Variants in TPD52L1 observed in about 807,000 individuals in gnomAD.
The protein encoded by TPD52L1 is tumor protein D53.
TPD52L1 carries 18 observed loss-of-function variants against 28.7 expected under a neutral mutation model. The observed-to-expected ratio is 0.63, with a 90% CI of 0.43 to 0.93. The LOEUF is 0.93. Ranked by LOEUF, TPD52L1 falls within the 40% of genes least tolerant of loss-of-function variation. The probability of loss-of-function intolerance (pLI) is 0.00; values close to 1 mark genes in which losing one functional copy is unlikely to be tolerated. For missense variants in TPD52L1, 203 were observed against 254.8 expected, an observed-to-expected ratio of 0.80 and a Z score of 1.39; for synonymous variants, 75 against 88.8, an observed-to-expected ratio of 0.84 and a Z score of 0.88.
rs542747428 is a variant in TPD52L1, at chr6:125,219,920, C to T, written c.20-158C>T. ...TGGTATTCTTTGCTTTCTTGGAGCT[C>T]GTCACACATTTAGGAGGATTTTTGT... On this transcript the variant is annotated intron_variant, in intron 1 of 6. Transcript: ENST00000534000. 7.6e-4 allele frequency: 524 copies of T among 685,278 alleles called. 4 individuals are homozygous for T. The highest frequency in any genetic ancestry group is 4.0e-3 in the South Asian group (261 of 65,082). 42.4% of individuals were successfully genotyped at this position (685,278 alleles called of 1,614,324 possible).
chr6:125,184,704 A>G (rs553446886), intron 1 of TPD52L1, among the ~76,000 whole-genome samples: 1 of 152,378 alleles, frequency 6.6e-6, no homozygotes, highest in Admixed American at 6.5e-5. Context: ...GTAACAACTT[A>G]TAGAATTGAA....
At chr6:125,258,201 A>T (rs1797716060) in intron 6 of TPD52L1, among the ~76,000 whole-genome samples, 1 of 152,016 alleles carries the variant, frequency 6.6e-6, no homozygotes, top group Non-Finnish European at 1.5e-5. Context: ...ACTTTATTAG[A>T]CCCATAATTA....
intron 1 of TPD52L1, among the ~76,000 whole-genome samples, chr6:125,196,935 A>G (rs576061928): frequency 6.6e-6 from 1 of 152,378 alleles, no homozygotes; most frequent in East Asian, 1.9e-4. Context: ...AGGAAGAAAA[A>G]GAAAATAAAA....
chr6:125,178,099 T>C (rs1791930464), intron 1 of TPD52L1, among the ~76,000 whole-genome samples: 2 of 152,208 alleles, frequency 1.3e-5, no homozygotes, highest in South Asian at 4.1e-4. Context: ...CAATAGACCA[T>C]ATTCTTTCGA....
rs186392542 is a variant in TPD52L1, at chr6:125,159,694, G to T, written c.19+5724G>T. 1.9e-3 allele frequency among the ~76,000 whole-genome samples: 289 copies of T among 152,240 alleles called. 1 individual carries two copies. Among genetic ancestry groups the T allele is most frequent in the African/African-American group, 6.6e-3 (275 of 41,532 alleles). On this transcript the variant is annotated intron_variant, in intron 1 of 6. Transcript: ENST00000534000. The stretch of plus-strand genomic sequence containing the variant: ...ATCTATGGCAGCTGTTTTCTTATGA[G>T]ATGTATTTCTTAAATAATACGACTT...
chr6:125,201,460 A>G (rs1368356996), intron 1 of TPD52L1, among the ~76,000 whole-genome samples: 22 of 152,190 alleles, frequency 1.4e-4, no homozygotes, highest in Admixed American at 1.4e-3. Context: ...TTCTACCACT[A>G]CCAACAATGA....
intron 6 of TPD52L1, among the ~76,000 whole-genome samples, chr6:125,258,114 G>A (rs890760498): frequency 6.6e-5 from 10 of 152,102 alleles, no homozygotes; most frequent in Non-Finnish European, 1.3e-4. Context: ...TTCCTTACTC[G>A]CGGTTCCAGG....
At chr6:125,256,965 T>G (rs1797643940) in intron 5 of TPD52L1, 133 bp from the exon 6 acceptor site, 1 of 642,410 alleles carries the variant, frequency 1.6e-6, no homozygotes, top group South Asian at 2.2e-5. Context: ...AAAACGTGGT[T>G]GGTGCAGGTG....
rs569527394 is a variant in TPD52L1 at position 125,243,604 on chromosome 6, A to AT, written c.285-4672dup. Among the ~76,000 whole-genome samples the AT allele has an allele frequency of 3.3e-4, 50 of 151,676 alleles. 1 individual carries two copies. In the South Asian group the frequency reaches 1.0e-2, roughly 30 times the overall value. ...GTCTATTGTTGAAACTTTCCACTGC[A>AT]TTTTTTATTTTCCTAAGCAAGTCTT... On this transcript the variant is annotated intron_variant, in intron 3 of 6. Coordinates refer to ENST00000534000, the MANE Select transcript of TPD52L1 (RefSeq NM_003287.4).
intron 4 of TPD52L1, chr6:125,252,036 G>C (rs1408449892): frequency 6.5e-7 from 1 of 1,536,022 alleles, no homozygotes; most frequent in Middle Eastern, 1.7e-4. Flanking sequence ...CACTCCATCG[G>C]GTAAGCGCCA....
intron 1 of TPD52L1, among the ~76,000 whole-genome samples, chr6:125,161,591 T>G (rs1309118199): frequency 9.2e-5 from 14 of 152,136 alleles, no homozygotes; most frequent in African/African-American, 2.9e-4. Context: ...ATTGGCATAC[T>G]ATCAATATTG....
At chr6:125,222,014 C>T (rs1016120150) in intron 2 of TPD52L1, 3 of 152,190 alleles carry the variant, frequency 2.0e-5, no homozygotes, top group Non-Finnish European at 4.4e-5. Flanking sequence ...TGTATCTTTG[C>T]GATTTTTCTT....
At chr6:125,223,708 CAAAAA>C (rs11294390) in intron 2 of TPD52L1, among the ~76,000 whole-genome samples, 13 of 71,498 alleles carry the variant, frequency 1.8e-4, no homozygotes, top group Admixed American at 5.5e-4. Context: ...GATTCCATCT[CAAAAA>C]AAAAAAAAAA....
At chr6:125,247,139 A>G (rs1796966647) in intron 3 of TPD52L1, among the ~76,000 whole-genome samples, 1 of 152,090 alleles carries the variant, frequency 6.6e-6, no homozygotes, top group Admixed American at 6.5e-5. Flanking sequence ...GAAAAAGGGC[A>G]GTTCCTACAT....
intron 1 of TPD52L1, among the ~76,000 whole-genome samples, chr6:125,164,396 T>C (rs1722741192): frequency 6.6e-6 from 1 of 152,152 alleles, no homozygotes; most frequent in Admixed American, 6.5e-5. Flanking sequence ...TCTATAAAAA[T>C]CACATGACAT....
Position 125,263,052 on chromosome 6 carries a change from G to C in TPD52L1, c.*90G>C. On this transcript the variant is annotated 3_prime_UTR_variant, in exon 7 of 7. Transcript: ENST00000534000. ...ATCCAGATAAGAAGACCAAAATCCC[G>C]CTGGGAAAAACCCAGGCCTTGACAT... 1 of 1,430,658 alleles carries C rather than the reference G, an allele frequency of 7.0e-7. No homozygotes were observed. Among genetic ancestry groups the C allele is most frequent in the Non-Finnish European group, 9.2e-7 (1 of 1,088,744 alleles). 88.6% of individuals were successfully genotyped at this position (1,430,658 alleles called of 1,614,324 possible).
chr6:125,236,207 A>G (rs939936132), intron 3 of TPD52L1, among the ~76,000 whole-genome samples: 2 of 152,190 alleles, frequency 1.3e-5, no homozygotes, highest in African/African-American at 4.8e-5. Context: ...ATTCTTGGAA[A>G]TAAGGAGTCC....
At chr6:125,158,631 A>G (rs549183673) in intron 1 of TPD52L1, among the ~76,000 whole-genome samples, 1 of 152,328 alleles carries the variant, frequency 6.6e-6, no homozygotes, top group Admixed American at 6.5e-5. Context: ...ATATAATCAC[A>G]TTACTTTTAT....
rs541157785 is a variant in TPD52L1 at position 125,247,147 on chromosome 6, C to A, written c.285-1135C>A. Among the ~76,000 whole-genome samples the A allele has an allele frequency of 1.2e-4, 18 of 152,152 alleles. 1 individual carries two copies. In the South Asian group the frequency reaches 3.7e-3, roughly 32 times the overall value. On this transcript the variant is annotated intron_variant, in intron 3 of 6. Transcript: ENST00000534000. ...GGTAGAGGAAAAAGGGCAGTTCCTA[C>A]ATAGCTGATTTCATAGGGTATAATG...
Sources: allele counts gnomAD v4.1 joint callset (sites outside exome capture counted in the v4.1 genomes callset), GRCh38; gene constraint gnomAD v4.1.1; transcripts MANE v1.5; gene names NCBI Gene and HGNC (gene_info 2026-07-23, HGNC 2026-07-21).